TDRD1: variants seen among roughly 807,000 people sequenced by gnomAD.
TDRD1 encodes tudor domain containing 1.
A neutral mutation model predicts 140.6 loss-of-function variants in TDRD1; 37 were observed. That is an observed-to-expected ratio of 0.26 (90% CI 0.20 to 0.35). The LOEUF is 0.35. Ranked by LOEUF, TDRD1 falls within the 10% of genes least tolerant of loss-of-function variation. The pLI is 1.00. For missense variants in TDRD1, 1,243 were observed against 1,393.0 expected (o/e 0.89, Z 1.71); for synonymous variants, 506 against 475.7 (o/e 1.06, Z -0.83).
At chr10:114,229,839 T>A (rs1324469032) in intron 25 of TDRD1, among the ~76,000 whole-genome samples, 1 of 151,012 alleles carries the variant, frequency 6.6e-6, no homozygotes, top group East Asian at 1.9e-4. Flanking sequence ...TTTTTTATTT[T>A]TATTTTTTTT....
intron 2 of TDRD1, among the ~76,000 whole-genome samples, chr10:114,189,759 A>G (rs2033820638): frequency 6.6e-6 from 1 of 152,316 alleles, no homozygotes; most frequent in South Asian, 2.1e-4. Context: ...ACCAGGCCCT[A>G]ACACATGAAT....
intron 22 of TDRD1, among the ~76,000 whole-genome samples, chr10:114,226,571 C>G (rs987484840): frequency 6.6e-6 from 1 of 152,158 alleles, no homozygotes; most frequent in Non-Finnish European, 1.5e-5. Context: ...TCTGCTTCGT[C>G]ACATCTCTCT....
upstream of TDRD1, among the ~76,000 whole-genome samples, chr10:114,177,054 AT>A (rs2119822378): frequency 6.6e-6 from 1 of 152,344 alleles, no homozygotes; most frequent in East Asian, 1.9e-4. Flanking sequence ...GAGCAAGGAA[AT>A]ACAGTAGTTT....
chr10:114,225,553 G>A (rs1316077528), intron 21 of TDRD1, among the ~76,000 whole-genome samples: 4 of 118,548 alleles, frequency 3.4e-5, no homozygotes, highest in South Asian at 2.4e-4. Context: ...TCTATTCTAC[G>A]CATTTAAAAA....
intron 13 of TDRD1, among the ~76,000 whole-genome samples, chr10:114,211,492 T>C (rs181840321): frequency 1.2e-3 from 177 of 152,336 alleles, no homozygotes; most frequent in Non-Finnish European, 1.9e-3. Flanking sequence ...ACTTGGTTAG[T>C]GGAGTCTGGT....
intron 19 of TDRD1, 85 bp from the exon 20 acceptor site, chr10:114,221,272 A>C: frequency 8.0e-7 from 1 of 1,253,806 alleles, no homozygotes; most frequent in Non-Finnish European, 1.1e-6. Context: ...TTCATGAACA[A>C]ATGATTGAAT....
At chr10:114,195,354 G>T (rs549920325) in intron 3 of TDRD1, among the ~76,000 whole-genome samples, 1 of 152,246 alleles carries the variant, frequency 6.6e-6, no homozygotes, top group African/African-American at 2.4e-5. Context: ...AATAGCTCCT[G>T]TTGGTTGGTT....
chr10:114,232,259 G>C (rs922023540), exon 26 of TDRD1: 1 of 147,530 alleles, frequency 6.8e-6, no homozygotes, highest in African/African-American at 2.5e-5. Flanking sequence ...GTTATAGATA[G>C]AATTTACTGT....
At chr10:114,199,302 C>T (rs2034573508) in exon 4 of TDRD1, 2 of 1,608,238 alleles carry the variant, frequency 1.2e-6, no homozygotes, top group Non-Finnish European at 1.7e-6. Context: ...AACTTGCCAT[C>T]GCTGTGGCCT....
chr10:114,195,050 C>T (rs1263584193), intron 3 of TDRD1, among the ~76,000 whole-genome samples: 5 of 151,980 alleles, frequency 3.3e-5, no homozygotes, highest in Non-Finnish European at 5.9e-5. Context: ...ATGAGTTGCC[C>T]TGCCCAGCCT....
exon 26 of TDRD1, chr10:114,231,599 A>C (rs2036762051): frequency 8.4e-7 from 1 of 1,187,908 alleles, no homozygotes; most frequent in East Asian, 2.6e-5. Context: ...TTCTTTGTCC[A>C]CTTTCTCTGT....
intron 9 of TDRD1, among the ~76,000 whole-genome samples, chr10:114,204,501 T>C (rs1406495820): frequency 1.3e-5 from 2 of 152,212 alleles, no homozygotes; most frequent in Non-Finnish European, 2.9e-5. Context: ...GGATAATTAT[T>C]CTTTCATAAA....
At chr10:114,177,418 T>C (rs2032716360), upstream of TDRD1, among the ~76,000 whole-genome samples, 2 of 152,220 alleles carry the variant, frequency 1.3e-5, no homozygotes, top group South Asian at 2.1e-4. Flanking sequence ...ATGGCATTTT[T>C]ACCTCTGTGG....
In TDRD1 at chr10:114,226,958, A is replaced by G. The variant is rs2036473611; in HGVS notation, c.3176-114A>G. 7.9e-6 allele frequency: 5 copies of G among 634,082 alleles called. No homozygotes were observed. In the South Asian group the frequency reaches 8.2e-5, roughly 10 times the overall value. 39.3% of individuals were successfully genotyped at this position (634,082 alleles called of 1,614,324 possible). On this transcript the variant is annotated intron_variant, in intron 22 of 25. Transcript: ENST00000251864. ...TGCAACAGCAGTAGTACATCAGAAC[A>G]CACCTAAATCCAGCTGAAGTCCAGT...
chr10:114,175,256 C>T (rs567289300), upstream of TDRD1, among the ~76,000 whole-genome samples: 3 of 152,216 alleles, frequency 2.0e-5, no homozygotes, highest in South Asian at 2.1e-4. Context: ...ACTGAAGAAA[C>T]CTTAAGCTGT....
At chr10:114,191,301 A>G (rs2033947314) in intron 3 of TDRD1, among the ~76,000 whole-genome samples, 1 of 152,198 alleles carries the variant, frequency 6.6e-6, no homozygotes. Flanking sequence ...ATACACCATC[A>G]AGATACGGAA....
intron 10 of TDRD1, 77 bp from the exon 11 acceptor site, chr10:114,206,167 T>G: frequency 8.9e-7 from 1 of 1,118,916 alleles, no homozygotes; most frequent in East Asian, 2.5e-5. Flanking sequence ...ATGATTGACT[T>G]GTTTCTTCTT....
intron 21 of TDRD1, among the ~76,000 whole-genome samples, chr10:114,225,129 C>G (rs2036359454): frequency 6.6e-6 from 1 of 152,188 alleles, no homozygotes; most frequent in South Asian, 2.1e-4. Flanking sequence ...GTTCTCCAGT[C>G]CATGCCCTCT....
intron 16 of TDRD1, among the ~76,000 whole-genome samples, chr10:114,216,519 T>C (rs1484840423): frequency 6.6e-6 from 1 of 152,234 alleles, no homozygotes; most frequent in Non-Finnish European, 1.5e-5. Context: ...CCCATGGTTG[T>C]GAGATTTAAC....
Sources: gnomAD v4.1 joint callset for allele counts (sites outside exome capture counted in the v4.1 genomes callset) on GRCh38, gnomAD v4.1.1 for gene constraint, MANE v1.5 for transcripts, NCBI Gene and HGNC (gene_info 2026-07-23, HGNC 2026-07-21) for gene names.